Variants in IGDCC3 observed in about 807,000 individuals in gnomAD.
IGDCC3 encodes the protein putative neuronal cell adhesion molecule.
Under a neutral mutation model 72.0 loss-of-function variants are expected in IGDCC3, and 47 were observed. The observed-to-expected ratio is 0.65, with a 90% CI of 0.52 to 0.83. The LOEUF (loss-of-function observed/expected upper bound fraction) is 0.83, where lower values mean the gene tolerates loss of function less well. Ranked by LOEUF, IGDCC3 falls within the 40% of genes least tolerant of loss-of-function variation. The pLI is 0.00. For synonymous variants in IGDCC3, 477 were observed against 472.8 expected (o/e 1.01, Z -0.11); for missense variants, 1,038 against 1,091.3 (o/e 0.95, Z 0.69).
chr15:65,367,855 C>T (rs1464670198), intron 2 of IGDCC3, among the ~76,000 whole-genome samples: 1 of 152,116 alleles, frequency 6.6e-6, no homozygotes, highest in African/African-American at 2.4e-5. Context: ...CAACGCTAGG[C>T]CCCTCGACAT....
intron 10 of IGDCC3, 28 bp from the exon 11 acceptor site, chr15:65,330,425 C>A (rs781439898): frequency 6.3e-7 from 1 of 1,591,692 alleles, no homozygotes; most frequent in Non-Finnish European, 8.6e-7. Flanking sequence ...GGATGAGCAA[C>A]TGCCCCTGCC....
intron 2 of IGDCC3, among the ~76,000 whole-genome samples, chr15:65,347,652 CG>C (rs1490622859): frequency 1.3e-5 from 2 of 152,012 alleles, no homozygotes; most frequent in African/African-American, 2.4e-5. Flanking sequence ...GGTGGCAGGC[CG>C]GGAGTGGTGG....
At chr15:65,335,666 T>A in intron 3 of IGDCC3, 146 bp downstream of exon 3, 3 of 971,974 alleles carry the variant, frequency 3.1e-6, no homozygotes, top group Non-Finnish European at 1.6e-6. Context: ...GGATACCCAG[T>A]CTAAACTGTG....
chr15:65,329,562 G>T lies in IGDCC3; in HGVS notation c.2033C>A (p.Ser678Tyr), dbSNP rs1386257774. ...CTGGCTCCGGGGACCCTGTGGAGGG[G>T]ACAGCTGGTTTTCCACATCTTTACA... ...LLCKDVENQL[S>Y]PPQGPRSQRD... is the part of the protein sequence containing the mutation. Residue 678 changes from serine to tyrosine, a missense_variant, in exon 13 of 14, where the codon TCC becomes TAC. Physicochemically the swap from Ser to Tyr is moderately radical, Grantham distance 144. Coordinates refer to ENST00000327987, the MANE Select transcript of IGDCC3 (RefSeq NM_004884.4). This position sits in a 1 kb window ranked among gnomAD's most constrained non-coding sequence, Gnocchi z 4.1. 1 of 1,612,050 alleles carries T rather than the reference G, an allele frequency of 6.2e-7. No homozygotes were observed. Among genetic ancestry groups the T allele is most frequent in the Non-Finnish European group, 8.5e-7 (1 of 1,179,502 alleles).
chr15:65,352,934 T>C (rs182537485), intron 2 of IGDCC3, among the ~76,000 whole-genome samples: 19 of 152,338 alleles, frequency 1.2e-4, no homozygotes, highest in South Asian at 4.1e-4. Flanking sequence ...CTCTGCTTAT[T>C]CCTGTGAACC....
rs2091351312 is a variant in IGDCC3 at position 65,375,260 on chromosome 15, C to A, written c.246G>T (p.Leu82=). 14 of 1,614,176 alleles carry A rather than the reference C, an allele frequency of 8.7e-6. No homozygotes were observed. In the East Asian group the frequency reaches 3.1e-4, roughly 36 times the overall value. The change falls in exon 2 of 14, where the codon CTG becomes CTT. Residue 82 remains leucine, a synonymous_variant. Transcript: ENST00000327987. ...RITWRKNGVE[L]PESTHSTLLA... is the part of the protein sequence containing the mutation. Reference sequence around the variant, plus strand: ...GCAAGGTGGAGTGGGTACTCTCTGGCAGCTCTACCCCATTCTTCCTCCAGG... The same window carrying A: ...GCAAGGTGGAGTGGGTACTCTCTGGAAGCTCTACCCCATTCTTCCTCCAGG...
Position 65,329,635 on chromosome 15 carries a change from A to G in IGDCC3, c.1998-38T>C. 6.2e-7 allele frequency: 1 copy of G among 1,612,060 alleles called. No individual in the cohort carries two copies. Among genetic ancestry groups the G allele is most frequent in the Non-Finnish European group, 8.5e-7 (1 of 1,178,552 alleles). On this transcript the variant is annotated intron_variant, in intron 12 of 13. Transcript: ENST00000327987. The surrounding 1 kb of genome is among the most constrained non-coding windows in gnomAD (Gnocchi z 4.1). The stretch of plus-strand genomic sequence containing the variant: ...CAAGAGTTGGGGGGAGGGAGAGAGA[A>G]AAGAGACAGAGGCAGTGAGCCCACA...
intron 2 of IGDCC3, among the ~76,000 whole-genome samples, chr15:65,352,236 G>GCTGT (rs2091179420): frequency 6.6e-6 from 1 of 152,174 alleles, no homozygotes; most frequent in Non-Finnish European, 1.5e-5. Flanking sequence ...AAAGTATACT[G>GCTGT]CTGTGAACAA....
At chr15:65,348,225 C>T (rs1338829071) in intron 2 of IGDCC3, among the ~76,000 whole-genome samples, 2 of 152,318 alleles carry the variant, frequency 1.3e-5, no homozygotes, top group East Asian at 1.9e-4. Flanking sequence ...CCCTTGGGGC[C>T]GCTCTGTCTA....
intron 2 of IGDCC3, among the ~76,000 whole-genome samples, chr15:65,370,597 T>C (rs959320928): frequency 8.9e-6 from 1 of 112,972 alleles, no homozygotes; most frequent in Non-Finnish European, 1.8e-5. Flanking sequence ...TGTATATATA[T>C]GTATGTGTAT....
At chr15:65,361,283 T>TAA (rs60459269) in intron 2 of IGDCC3, among the ~76,000 whole-genome samples, 6,358 of 149,298 alleles carry the variant, frequency 0.043, 485 homozygotes, top group African/African-American at 0.15. Context: ...ATAATAATAA[T>TAA]AAAAAAACAT....
At chr15:65,330,439 C>G (rs770152534) in intron 10 of IGDCC3, 42 bp from the exon 11 acceptor site, 24 of 1,586,728 alleles carry the variant, frequency 1.5e-5, no homozygotes, top group Middle Eastern at 3.3e-4. Flanking sequence ...CCCTGCCCAA[C>G]CACGTGCCCT....
intron 2 of IGDCC3, among the ~76,000 whole-genome samples, chr15:65,371,614 G>C (rs2091326267): frequency 6.6e-6 from 1 of 152,184 alleles, no homozygotes; most frequent in African/African-American, 2.4e-5. Context: ...TGATTCACAG[G>C]CTCAGTAAGG....
At position 65,375,103 on chromosome 15, in the gene IGDCC3, C is replaced by G; in HGVS notation, c.403G>C (p.Ala135Pro). ...LVVSRKARIQ[A>P]ATMSDFHVHP... ...ACAAGGGATATCCACTTACTTGCAGCTTGGATGCGAGCCTTCCGGCTGACC... is the reference window on the plus strand; with the variant it reads ...ACAAGGGATATCCACTTACTTGCAGGTTGGATGCGAGCCTTCCGGCTGACC... The change falls in exon 2 of 14, where the codon GCT (alanine) becomes CCT (proline). Residue 135 changes from alanine (A) to proline (P), a missense_variant. Physicochemically the swap from Ala to Pro is conservative, Grantham distance 27. Transcript: ENST00000327987. 6.2e-7 allele frequency: 1 copy of G among 1,611,802 alleles called. No homozygotes were observed. The highest frequency in any genetic ancestry group is 8.5e-7 in the Non-Finnish European group (1 of 1,178,356).
At chr15:65,336,784 A>AGTTTCT (rs2091033094) in intron 2 of IGDCC3, among the ~76,000 whole-genome samples, 2 of 151,350 alleles carry the variant, frequency 1.3e-5, no homozygotes, top group African/African-American at 4.9e-5. Context: ...AGGCTGGTTA[A>AGTTTCT]GTGTTTCTGC....
intron 2 of IGDCC3, among the ~76,000 whole-genome samples, chr15:65,369,032 A>G (rs1259208959): frequency 6.6e-6 from 1 of 152,190 alleles, no homozygotes; most frequent in East Asian, 1.9e-4. Flanking sequence ...GACAGATGGA[A>G]TATCCAGCCA....
Position 65,329,087 on chromosome 15 carries a change from C to G in IGDCC3, c.2267G>C (p.Gly756Ala), listed in dbSNP as rs759591273. 3 of 1,611,460 alleles carry G rather than the reference C, an allele frequency of 1.9e-6. No homozygotes were observed. The highest frequency in any genetic ancestry group is 1.7e-6 in the Non-Finnish European group (2 of 1,179,118). Residue 756 changes from glycine (G) to alanine (A), a missense_variant, in exon 14 of 14, where the codon GGG (glycine) becomes GCG (alanine). Transcript: ENST00000327987. The surrounding 1 kb of genome is among the most constrained non-coding windows in gnomAD (Gnocchi z 4.1). ...ETQLSVLPLQ[G>A]CGLMEGKTTE... ...CGTCTTCCCCTCCATCAGGCCGCAC[C>G]CCTGAAGTGGCAGCACGGAGAGCTG...
intron 9 of IGDCC3, 142 bp downstream of exon 9, chr15:65,330,907 CT>C: frequency 8.9e-7 from 1 of 1,129,364 alleles, no homozygotes; most frequent in Non-Finnish European, 1.2e-6. Context: ...AAAAGAAGCC[CT>C]TTCCTCCAAG....
chr15:65,355,856 C>T (rs938205506), intron 2 of IGDCC3: 89 of 368,142 alleles, frequency 2.4e-4, no homozygotes, highest in Non-Finnish European at 4.9e-4. Flanking sequence ...TTTCCCGCCA[C>T]CCCCTCCCCC....
Sources: gnomAD v4.1 joint callset for allele counts (sites outside exome capture counted in the v4.1 genomes callset) on GRCh38, gnomAD v4.1.1 for gene constraint, Gnocchi (gnomAD v3.1) non-coding constraint, MANE v1.5 for transcripts, NCBI Gene and HGNC (gene_info 2026-07-23, HGNC 2026-07-21) for gene names.